LRFN5: variants seen among roughly 807,000 people sequenced by gnomAD.
LRFN5 encodes leucine rich repeat and fibronectin type III domain containing 5.
In LRFN5, 24 loss-of-function variants were observed where a neutral mutation model predicts 45.6. That is an observed-to-expected ratio of 0.53 (90% confidence interval 0.38 to 0.74). The LOEUF is 0.74. Ranked by LOEUF, LRFN5 falls within the 30% of genes least tolerant of loss-of-function variation. LRFN5 has a pLI of 0.00. For missense variants in LRFN5, 776 were observed against 861.5 expected, an observed-to-expected ratio of 0.90 and a Z score of 1.24; for synonymous variants, 340 against 313.8, an observed-to-expected ratio of 1.08 and a Z score of -0.88.
intron 1 of LRFN5, among the ~76,000 whole-genome samples, chr14:41,758,994 C>A (rs752464919): frequency 6.6e-6 from 1 of 152,100 alleles, no homozygotes; most frequent in Non-Finnish European, 1.5e-5. Flanking sequence ...GTGCTAGATG[C>A]TGCAGGGCAT....
At chr14:41,883,986 A>G (rs1051016128) in intron 2 of LRFN5, among the ~76,000 whole-genome samples, 1 of 152,056 alleles carries the variant, frequency 6.6e-6, no homozygotes, top group Non-Finnish European at 1.5e-5. Flanking sequence ...TTTTATCAGT[A>G]TTACAGCATG....
At chr14:41,869,163 A>G (rs752121121) in intron 2 of LRFN5, among the ~76,000 whole-genome samples, 5 of 151,968 alleles carry the variant, frequency 3.3e-5, no homozygotes, top group Admixed American at 6.6e-5. Context: ...GTTCTCTCCA[A>G]TTTATATTTC....
intron 1 of LRFN5, chr14:41,742,816 GT>G: frequency 6.2e-6 from 1 of 162,388 alleles, no homozygotes. Context: ...GTCATCAGTG[GT>G]TTTGAAGAGT....
At chr14:41,687,496 C>G (rs534992819) in intron 1 of LRFN5, among the ~76,000 whole-genome samples, 2 of 152,134 alleles carry the variant, frequency 1.3e-5, no homozygotes, top group South Asian at 4.2e-4. Context: ...GGTATACACC[C>G]AAGGGAATGT....
At chr14:41,737,375 A>G (rs1208265643) in intron 1 of LRFN5, among the ~76,000 whole-genome samples, 4 of 152,162 alleles carry the variant, frequency 2.6e-5, no homozygotes, top group African/African-American at 4.8e-5. Context: ...GCTATTTATG[A>G]CAAACTCACA....
At chr14:41,854,513 GA>G (rs1594467974) in intron 2 of LRFN5, among the ~76,000 whole-genome samples, 1 of 151,740 alleles carries the variant, frequency 6.6e-6, no homozygotes, top group Admixed American at 6.6e-5. Flanking sequence ...AAAAAGAAAA[GA>G]AAAAAAGAAA....
At chr14:41,674,435 C>T (rs1227765727) in intron 1 of LRFN5, among the ~76,000 whole-genome samples, 4 of 137,482 alleles carry the variant, frequency 2.9e-5, no homozygotes, top group Non-Finnish European at 6.4e-5. Context: ...GAGCTCCTCA[C>T]TTCCCAGTAG....
In LRFN5 at chr14:41,673,895, G is replaced by A. The variant is rs577948828; in HGVS notation, c.-197+65333G>A. Among the ~76,000 whole-genome samples, 45 of 147,688 alleles carry A rather than the reference G, an allele frequency of 3.0e-4. 2 individuals are homozygous for A. In the South Asian group the frequency reaches 8.4e-3, roughly 28 times the overall value. ...AGACAGGGCGGCTGGCCAGGTGGGG[G>A]ACTGATCCCCCCACCTCCCTCCCGG... On this transcript the variant is annotated intron_variant, in intron 1 of 5. Coordinates refer to ENST00000298119, the MANE Select transcript of LRFN5 (RefSeq NM_152447.5).
At chr14:41,715,534 G>C (rs1883458895) in intron 1 of LRFN5, among the ~76,000 whole-genome samples, 1 of 152,148 alleles carries the variant, frequency 6.6e-6, no homozygotes, top group Admixed American at 6.5e-5. Context: ...CAGAAGCAAA[G>C]GAGTTTGCTT....
intron 2 of LRFN5, among the ~76,000 whole-genome samples, chr14:41,783,630 A>T (rs891015719): frequency 6.6e-6 from 1 of 152,078 alleles, no homozygotes; most frequent in African/African-American, 2.4e-5. Flanking sequence ...AATTTCCTGC[A>T]TGCTGCTTGT....
At chr14:41,656,190 A>G (rs1356616190) in intron 1 of LRFN5, among the ~76,000 whole-genome samples, 1 of 151,972 alleles carries the variant, frequency 6.6e-6, no homozygotes, top group Non-Finnish European at 1.5e-5. Flanking sequence ...ATCTGCTCTG[A>G]AATGAGGATA....
intron 2 of LRFN5, among the ~76,000 whole-genome samples, chr14:41,779,629 T>C (rs1322439673): frequency 1.3e-5 from 2 of 151,892 alleles, no homozygotes; most frequent in East Asian, 1.9e-4. Flanking sequence ...AAGTTATTTA[T>C]GATTTACTCA....
At chr14:41,871,274 C>G (rs1359220032) in intron 2 of LRFN5, among the ~76,000 whole-genome samples, 2 of 151,812 alleles carry the variant, frequency 1.3e-5, no homozygotes, top group Non-Finnish European at 2.9e-5. Context: ...TGTGTAATAA[C>G]AAATAACAGT....
chr14:41,730,052 A>G lies in LRFN5; in HGVS notation c.-196-36802A>G, dbSNP rs372976379. On this transcript the variant is annotated intron_variant, in intron 1 of 5. Transcript: ENST00000298119. ...GTAATGTTCTGTATATAATCTGTAC[A>G]TGTTTGCCAAAATTCTGTTTCTGGT... Among the ~76,000 whole-genome samples, 67 of 152,146 alleles carry G rather than the reference A, an allele frequency of 4.4e-4. No homozygotes were observed. The Middle Eastern group carries it at 0.011, about 25-fold the overall frequency.
At chr14:41,672,820 A>G (rs2138663115) in intron 1 of LRFN5, among the ~76,000 whole-genome samples, 1 of 152,338 alleles carries the variant, frequency 6.6e-6, no homozygotes, top group Non-Finnish European at 1.5e-5. Flanking sequence ...TTCAAGAGAA[A>G]TGATGGACAC....
chr14:41,791,187 A>T (rs564683802), intron 2 of LRFN5, among the ~76,000 whole-genome samples: 3 of 151,924 alleles, frequency 2.0e-5, no homozygotes, highest in African/African-American at 7.2e-5. Context: ...GTTTTTTTTA[A>T]AAAAAGTATT....
At chr14:41,742,085 A>G (rs995089956) in intron 1 of LRFN5, among the ~76,000 whole-genome samples, 1 of 151,786 alleles carries the variant, frequency 6.6e-6, no homozygotes, top group Non-Finnish European at 1.5e-5. Flanking sequence ...AATTAATACA[A>G]TCATTTTGCA....
At chr14:41,796,689 ATAT>A (rs1405333215) in intron 2 of LRFN5, among the ~76,000 whole-genome samples, 1 of 151,910 alleles carries the variant, frequency 6.6e-6, no homozygotes, top group Non-Finnish European at 1.5e-5. Flanking sequence ...ATAAAACTAC[ATAT>A]TATAGAATTC....
At chr14:41,656,582 A>G (rs1464684837) in intron 1 of LRFN5, among the ~76,000 whole-genome samples, 1 of 151,808 alleles carries the variant, frequency 6.6e-6, no homozygotes, top group Non-Finnish European at 1.5e-5. Flanking sequence ...AACAATTTAG[A>G]CGAGATCTGT....
Sources: allele counts gnomAD v4.1 joint callset (sites outside exome capture counted in the v4.1 genomes callset), GRCh38; gene constraint gnomAD v4.1.1; transcripts MANE v1.5; gene names NCBI Gene and HGNC (gene_info 2026-07-23, HGNC 2026-07-21).